The following SLC44A1 variants were observed in gnomAD, a reference collection of about 807,000 sequenced individuals.
SLC44A1 encodes choline transporter-like protein 1.
Under a neutral mutation model 79.3 loss-of-function variants are expected in SLC44A1, and 26 were observed. The observed-to-expected ratio is 0.33, with a 90% CI of 0.24 to 0.46. SLC44A1 has a LOEUF of 0.46. Ranked by LOEUF, SLC44A1 falls within the 20% of genes least tolerant of loss-of-function variation. The pLI, the probability that SLC44A1 is intolerant of heterozygous loss-of-function variation, is 1.00. For synonymous variants in SLC44A1, 263 were observed against 286.2 expected, an observed-to-expected ratio of 0.92 and a Z score of 0.82; for missense variants, 688 against 798.1, an observed-to-expected ratio of 0.86 and a Z score of 1.66.
In SLC44A1 at chr9:105,365,597, G is replaced by A. The variant is rs373390146; in HGVS notation, c.1368G>A (p.Pro456=). The change falls in exon 11 of 16, where the codon CCG becomes CCA. Residue 456 remains proline (P), a synonymous_variant. Coordinates refer to ENST00000374720, the MANE Select transcript of SLC44A1 (RefSeq NM_080546.5). Reference sequence around the variant, plus strand: ...TCATTATCACATTAGTCAAAATTCCGCGAATGATCCTTATGTATATTCACA... The same window carrying A: ...TCATTATCACATTAGTCAAAATTCCACGAATGATCCTTATGTATATTCACA... ...GSFIITLVKI[P]RMILMYIHSQ... is the part of the protein sequence containing the mutation. 2.4e-5 allele frequency: 38 copies of A among 1,613,526 alleles called. No homozygotes were observed. In the East Asian group the frequency reaches 3.3e-4, roughly 14 times the overall value.
chr9:105,426,954 G>A (rs903154186), intron 15 of SLC44A1, among the ~76,000 whole-genome samples: 16 of 143,168 alleles, frequency 1.1e-4, no homozygotes, highest in Admixed American at 6.4e-4. Flanking sequence ...TTTTTTCCTC[G>A]AGACAAAATC....
intron 1 of SLC44A1, among the ~76,000 whole-genome samples, chr9:105,248,134 C>T (rs187121936): frequency 2.0e-5 from 3 of 152,222 alleles, no homozygotes; most frequent in Admixed American, 2.0e-4. Context: ...ATCTGCAGTT[C>T]AGTTTAGCTT....
intron 1 of SLC44A1, among the ~76,000 whole-genome samples, chr9:105,292,047 C>T (rs544926503): frequency 1.3e-5 from 2 of 152,160 alleles, no homozygotes; most frequent in Non-Finnish European, 2.9e-5. Context: ...TGGTCTCTTA[C>T]TTGTTTGCAG....
At position 105,373,915 on chromosome 9, in the gene SLC44A1, A is replaced by G. The variant is rs568420588; in HGVS notation, c.1495-683A>G. 1.2e-3 allele frequency among the ~76,000 whole-genome samples: 189 copies of G among 152,292 alleles called. 1 individual carries two copies. The highest frequency in any genetic ancestry group is 4.3e-3 in the African/African-American group (179 of 41,558). Reference sequence around the variant, plus strand: ...TTTATTCACCAATTCTGAACCAATCATTGTGGCCAGTAGGTATAGTATGCT... The same window carrying G: ...TTTATTCACCAATTCTGAACCAATCGTTGTGGCCAGTAGGTATAGTATGCT... On this transcript the variant is annotated intron_variant, in intron 12 of 15. Transcript: ENST00000374720.
chr9:105,416,119 A>G (rs1829167665), intron 15 of SLC44A1, among the ~76,000 whole-genome samples: 1 of 151,352 alleles, frequency 6.6e-6, no homozygotes, highest in Non-Finnish European at 1.5e-5. Flanking sequence ...CTGGTCTAGA[A>G]CTCCTGACCT....
Position 105,366,361 on chromosome 9 carries a change from C to T in SLC44A1, c.1426C>T (p.Arg476Ter), listed in dbSNP as rs1827941569. The T allele has an allele frequency of 1.3e-6, 2 of 1,509,402 alleles. No individual in the cohort carries two copies. Among genetic ancestry groups the T allele is most frequent in the Non-Finnish European group, 1.8e-6 (2 of 1,128,788 alleles). 93.5% of individuals were successfully genotyped at this position (1,509,402 alleles called of 1,614,324 possible). A position where few individuals can be genotyped will look rare whatever the true frequency, so the allele number is the denominator to read the frequency against. ...QLKGKENACA[R>*]CVLKSCICCL... ...CCCCATCCAGGAAAATGCTTGTGCA[C>T]GATGTGTGCTGAAATCTTGCATTTG... The change falls in exon 12 of 16, where the codon CGA (arginine) becomes TGA (stop). Residue 476 changes from arginine to a stop codon, truncating the protein, a stop_gained. Transcript: ENST00000374720. LOFTEE classifies it high-confidence loss of function.
At position 105,394,955 on chromosome 9, in the gene SLC44A1, C is replaced by G. The variant is rs576391822; in HGVS notation, c.*5899C>G. 41 of 985,428 alleles carry G rather than the reference C, an allele frequency of 4.2e-5. No homozygotes were observed. The African/African-American group carries it at 6.8e-4, about 16-fold the overall frequency. 61.0% of individuals were successfully genotyped at this position (985,428 alleles called of 1,614,324 possible). On this transcript the variant is annotated 3_prime_UTR_variant, in exon 16 of 16. Transcript: ENST00000374720. ...GGGAAGCATGTGGATTTCTTCACAT[C>G]TGCACCTTACTATTAGGTAAGGGTG... is the stretch of plus-strand genomic sequence containing the variant.
intron 15 of SLC44A1, among the ~76,000 whole-genome samples, chr9:105,433,963 C>T (rs187018451): frequency 1.6e-3 from 248 of 152,240 alleles, no homozygotes; most frequent in Middle Eastern, 3.4e-3. Flanking sequence ...AACAAAGCAA[C>T]TTAGAGGAAA....
chr9:105,398,197 G>A (rs1029821674), downstream of SLC44A1, among the ~76,000 whole-genome samples: 2 of 152,154 alleles, frequency 1.3e-5, no homozygotes, highest in African/African-American at 2.4e-5. Context: ...GACGAAGGAA[G>A]GGATGTTCTT....
chr9:105,297,796 A>G (rs748054971), intron 1 of SLC44A1, among the ~76,000 whole-genome samples: 1 of 152,180 alleles, frequency 6.6e-6, no homozygotes, highest in Non-Finnish European at 1.5e-5. Context: ...CACTCTATAT[A>G]TACTAATTGT....
chr9:105,401,479 C>A (rs1404010822), downstream of SLC44A1, among the ~76,000 whole-genome samples: 2 of 152,074 alleles, frequency 1.3e-5, no homozygotes, highest in African/African-American at 4.8e-5. Flanking sequence ...TAATTTAGGA[C>A]AATGGGCTTT....
In SLC44A1 at chr9:105,395,873, T is replaced by G; in HGVS notation, c.*6817T>G. On this transcript the variant is annotated 3_prime_UTR_variant, in exon 16 of 16. Coordinates refer to ENST00000374720, the MANE Select transcript of SLC44A1 (RefSeq NM_080546.5). ...AGAAAATGTGAGCTCCTTCTTCATT[T>G]ACCATGTTGATAATCCGGTGGTGAC... 1.0e-6 allele frequency: 1 copy of G among 983,954 alleles called. No homozygotes were observed. The highest frequency in any genetic ancestry group is 1.2e-6 in the Non-Finnish European group (1 of 829,142). The allele number at this position is 983,954 out of a possible 1,614,324, so 61.0% of individuals were successfully genotyped here. A position where few individuals can be genotyped will look rare whatever the true frequency, so the allele number is the denominator to read the frequency against.
At chr9:105,419,739 A>C (rs1231450084) in intron 15 of SLC44A1, among the ~76,000 whole-genome samples, 1 of 151,652 alleles carries the variant, frequency 6.6e-6, no homozygotes, top group Non-Finnish European at 1.5e-5. Context: ...ATATGATGAA[A>C]CCTCATCTCT....
At position 105,395,570 on chromosome 9, in the gene SLC44A1, G is replaced by A. The variant is rs990415656; in HGVS notation, c.*6514G>A. On this transcript the variant is annotated 3_prime_UTR_variant, in exon 16 of 16. Transcript: ENST00000374720. Reference sequence around the variant, plus strand: ...AGTAGTAAATGCAGAGACCACTGGTGGAAATTCCCATGTTGGATAGAAAAG... The same window carrying A: ...AGTAGTAAATGCAGAGACCACTGGTAGAAATTCCCATGTTGGATAGAAAAG... The A allele has an allele frequency of 6.3e-5, 62 of 985,342 alleles. No homozygotes were observed. Among genetic ancestry groups the A allele is most frequent in the Non-Finnish European group, 7.3e-5 (61 of 829,982 alleles). 61.0% of individuals were successfully genotyped at this position (985,342 alleles called of 1,614,324 possible). A position where few individuals can be genotyped will look rare whatever the true frequency, so the allele number is the denominator to read the frequency against.
rs533629906 is a variant in SLC44A1, at chr9:105,438,225, A to G, written c.1951-56A>G. 4 of 1,480,394 alleles carry G rather than the reference A, an allele frequency of 2.7e-6. No homozygotes were observed. In the South Asian group the frequency reaches 4.9e-5, roughly 18 times the overall value. 91.7% of individuals were successfully genotyped at this position (1,480,394 alleles called of 1,614,324 possible). A position where few individuals can be genotyped will look rare whatever the true frequency, so the allele number is the denominator to read the frequency against. On this transcript the variant is annotated intron_variant, in intron 15 of 15. Transcript: ENST00000374724. ...TATTTCTAGTTATTGATTACTTCTC[A>G]TTGTGTCATGTTCCCCTAGGACAGA... is the stretch of plus-strand genomic sequence containing the variant.
intron 12 of SLC44A1, among the ~76,000 whole-genome samples, chr9:105,367,903 CT>C: frequency 6.6e-6 from 1 of 152,196 alleles, no homozygotes; most frequent in Non-Finnish European, 1.5e-5. Context: ...TAAAGTTCTT[CT>C]TTTTCTTGGT....
chr9:105,246,373 CTT>C (rs11284181), intron 1 of SLC44A1, among the ~76,000 whole-genome samples: 61 of 119,028 alleles, frequency 5.1e-4, no homozygotes, highest in Middle Eastern at 4.6e-3. Flanking sequence ...TTCCTCCAGT[CTT>C]TTTTTTTTTT....
At chr9:105,349,845 A>C (rs1827351095) in intron 5 of SLC44A1, among the ~76,000 whole-genome samples, 1 of 152,254 alleles carries the variant, frequency 6.6e-6, no homozygotes, top group South Asian at 2.1e-4. Flanking sequence ...GCTCCTGTGT[A>C]ATAGGGGCAG....
chr9:105,263,600 G>A (rs1292956201), intron 1 of SLC44A1, among the ~76,000 whole-genome samples: 1 of 149,948 alleles, frequency 6.7e-6, no homozygotes, highest in Non-Finnish European at 1.5e-5. Flanking sequence ...GCAATGGCGC[G>A]ATCTTGGCTC....
Sources: allele counts gnomAD v4.1 joint callset (sites outside exome capture counted in the v4.1 genomes callset), GRCh38; gene constraint gnomAD v4.1.1; transcripts MANE v1.5; gene names NCBI Gene and HGNC (gene_info 2026-07-23, HGNC 2026-07-21).